The following ARHGEF18 variants were observed in gnomAD, a reference collection of about 807,000 sequenced individuals.
ARHGEF18 encodes Rho/Rac guanine nucleotide exchange factor 18.
A neutral mutation model predicts 155.7 loss-of-function variants in ARHGEF18; 93 were observed. The ratio of observed to expected loss-of-function variants is 0.60; its 90% CI spans 0.50 to 0.71. The LOEUF (loss-of-function observed/expected upper bound fraction) is 0.71. Ranked by LOEUF, ARHGEF18 falls within the 30% of genes least tolerant of loss-of-function variation. ARHGEF18 has a pLI of 0.00. For missense variants in ARHGEF18, 1,593 were observed against 1,816.1 expected (o/e 0.88, Z 2.23); for synonymous variants, 742 against 753.1 (o/e 0.99, Z 0.24).
At chr19:7,363,025 C>A (rs892607352) in intron 2 of ARHGEF18, 120 bp downstream of exon 2, 9 of 1,140,150 alleles carry the variant, frequency 7.9e-6, no homozygotes, top group Non-Finnish European at 5.5e-6. Context: ...GAATCCTCAT[C>A]GAAACTTGCA....
At chr19:7,351,744 G>C (rs2145306916) in intron 1 of ARHGEF18, among the ~76,000 whole-genome samples, 2 of 147,834 alleles carry the variant, frequency 1.4e-5, no homozygotes, top group Non-Finnish European at 3.0e-5. Context: ...GCCCAGGCTG[G>C]AGTGCAGTGG....
At chr19:7,362,079 GAA>G (rs1969613728) in intron 1 of ARHGEF18, among the ~76,000 whole-genome samples, 2 of 19,564 alleles carry the variant, frequency 1.0e-4, no homozygotes, top group East Asian at 1.3e-3. Flanking sequence ...AGGAGAAGGA[GAA>G]GGAGAAGGAG....
intron 13 of ARHGEF18, among the ~76,000 whole-genome samples, chr19:7,443,246 G>A (rs1229158606): frequency 6.6e-6 from 1 of 151,794 alleles, no homozygotes; most frequent in African/African-American, 2.4e-5. Flanking sequence ...TAGTAGAGGC[G>A]GTGTTTCACC....
At chr19:7,365,361 G>A (rs991315883) in intron 2 of ARHGEF18, among the ~76,000 whole-genome samples, 8 of 152,086 alleles carry the variant, frequency 5.3e-5, no homozygotes, top group Middle Eastern at 3.2e-3. Flanking sequence ...CAGGAGGTGG[G>A]GATTGCAGTG....
downstream of ARHGEF18, chr19:7,473,187 G>A: frequency 2.2e-6 from 1 of 456,250 alleles, no homozygotes; most frequent in Non-Finnish European, 4.4e-6. Context: ...CTGAGTCCCG[G>A]TCCAGTGAGG....
chr19:7,448,466 C>A (rs981473484), intron 15 of ARHGEF18, among the ~76,000 whole-genome samples: 1 of 152,152 alleles, frequency 6.6e-6, no homozygotes, highest in African/African-American at 2.4e-5. Flanking sequence ...TCGAGACCAT[C>A]CTGGCTAACA....
chr19:7,444,079 C>T lies in ARHGEF18; in HGVS notation c.1361-125C>T. ...CTGGAAGTAAGAAAGATCCCAAAGG[C>T]ACAAGGTCTTAGGCAGAGAACTCTC... On this transcript the variant is annotated intron_variant, in intron 13 of 28. Transcript: ENST00000668164. This position sits in a 1 kb window ranked among gnomAD's most constrained non-coding sequence, Gnocchi z 4.7. The T allele has an allele frequency of 7.9e-7, 1 of 1,259,934 alleles. No individual in the cohort carries two copies. The highest frequency in any genetic ancestry group is 1.1e-6 in the Non-Finnish European group (1 of 910,012). 78.0% of individuals were successfully genotyped at this position (1,259,934 alleles called of 1,614,324 possible).
chr19:7,415,559 C>T (rs184262365), intron 10 of ARHGEF18, among the ~76,000 whole-genome samples: 158 of 152,208 alleles, frequency 1.0e-3, no homozygotes, highest in Non-Finnish European at 2.0e-3. Context: ...CCAAGGGCCC[C>T]CAAGGCCCAT....
At position 7,470,579 on chromosome 19, in the gene ARHGEF18, G is replaced by A. The variant is rs1600564164; in HGVS notation, c.*281G>A. On this transcript the variant is annotated 3_prime_UTR_variant, in exon 29 of 29. Transcript: ENST00000668164. The surrounding 1 kb of genome is among the most constrained non-coding windows in gnomAD (Gnocchi z 5.9). The stretch of plus-strand genomic sequence containing the variant: ...AGTTGAGCCAGAACTAAACCAGGGA[G>A]CTGTCTGAAATCATAGCACCCCATC... The A allele has an allele frequency of 2.5e-6, 1 of 398,316 alleles. No individual in the cohort carries two copies. The highest frequency in any genetic ancestry group is 4.4e-6 in the Non-Finnish European group (1 of 226,932). 24.7% of individuals were successfully genotyped at this position (398,316 alleles called of 1,614,324 possible).
chr19:7,459,841 G>A (rs34322626), intron 19 of ARHGEF18, 62 bp from the exon 20 acceptor site: 293,989 of 1,403,470 alleles, frequency 0.21, 31,931 homozygotes, highest in Non-Finnish European at 0.22. Context: ...CAGAACCAGC[G>A]TCTGTGCCGA....
Position 7,382,783 on chromosome 19 carries a change from G to A in ARHGEF18, c.723-9G>A, listed in dbSNP as rs770392622. ...CCCCCTCTAGTGGACCTTCCCTCTC[G>A]TCCCTCAGGAGCGAGGACGGTGCTG... On this transcript the variant is annotated splice_polypyrimidine_tract_variant and intron_variant, in intron 8 of 28. Transcript: ENST00000668164. The A allele has an allele frequency of 1.5e-5, 18 of 1,232,166 alleles. No homozygotes were observed. Among genetic ancestry groups the A allele is most frequent in the East Asian group, 3.2e-5 (1 of 31,702 alleles). The allele number at this position is 1,232,166 out of a possible 1,614,324, so 76.3% of individuals were successfully genotyped here.
In ARHGEF18 at chr19:7,444,418, T is replaced by A; in HGVS notation, c.1575T>A (p.Tyr525Ter). The A allele has an allele frequency of 6.2e-7, 1 of 1,613,716 alleles. No individual in the cohort carries two copies. The highest frequency in any genetic ancestry group is 8.5e-7 in the Non-Finnish European group (1 of 1,179,980). ...ESLEEGSDRN[Y>*]VIQKIGDLLV... is the part of the protein sequence containing the mutation. The stretch of plus-strand genomic sequence containing the variant: ...TGGAGGAGGGCAGTGACCGGAATTA[T>A]GTCATCCAGAAAATCGGCGACCTCC... Residue 525 changes from tyrosine to a stop codon, truncating the protein, a stop_gained, in exon 14 of 29, where the codon TAT (tyrosine) becomes TAA (stop). Transcript: ENST00000668164. LOFTEE classifies it high-confidence loss of function. The surrounding 1 kb of genome is among the most constrained non-coding windows in gnomAD (Gnocchi z 4.7).
chr19:7,393,195 T>C (rs1971506606), intron 10 of ARHGEF18, among the ~76,000 whole-genome samples: 1 of 151,976 alleles, frequency 6.6e-6, no homozygotes, highest in African/African-American at 2.4e-5. Flanking sequence ...GGGTGCCTGG[T>C]GAATTACGTC....
chr19:7,349,790 G>T (rs11879555), intron 1 of ARHGEF18, among the ~76,000 whole-genome samples: 2 of 152,052 alleles, frequency 1.3e-5, no homozygotes, highest in South Asian at 4.1e-4. Flanking sequence ...GCTCCTTGTA[G>T]CCAAGGCCCT....
rs1258608363 is a variant in ARHGEF18 at position 7,444,382 on chromosome 19, C to A, written c.1539C>A (p.Arg513=). 1 of 1,613,716 alleles carries A rather than the reference C, an allele frequency of 6.2e-7. No individual in the cohort carries two copies. The highest frequency in any genetic ancestry group is 2.2e-5 in the East Asian group (1 of 44,886). ...TCCTCGCTCGGCTCAAGGAGCGCCG[C>A]CAGGAGTCCCTGGAGGAGGGCAGTG... ...SHFLARLKER[R]QESLEEGSDR... The change falls in exon 14 of 29, where the codon CGC becomes CGA. Residue 513 remains arginine (R), a synonymous_variant. Transcript: ENST00000668164. The surrounding 1 kb of genome is among the most constrained non-coding windows in gnomAD (Gnocchi z 4.7).
In ARHGEF18 at chr19:7,458,634, G is replaced by A. The variant is rs765202457; in HGVS notation, c.2304G>A (p.Thr768=). Residue 768 remains threonine (T), a synonymous_variant, in exon 19 of 29, where the codon ACG becomes ACA. Transcript: ENST00000668164. ...GGCCGGAGATGTATGAAATCTACACGAGCTCCAAAGAGGACAGGAACGCCT... is the reference window on the plus strand; with the variant it reads ...GGCCGGAGATGTATGAAATCTACACAAGCTCCAAAGAGGACAGGAACGCCT... The part of the protein sequence containing the change: ...LQGPEMYEIY[T]SSKEDRNAWM... The A allele has an allele frequency of 2.5e-6, 4 of 1,614,128 alleles. No individual in the cohort carries two copies. The highest frequency in any genetic ancestry group is 2.2e-5 in the East Asian group (1 of 44,874).
At chr19:7,375,398 G>GAAAGGAAGGAAGGAAC (rs1970409838) in intron 3 of ARHGEF18, among the ~76,000 whole-genome samples, 1 of 150,030 alleles carries the variant, frequency 6.7e-6, no homozygotes. Flanking sequence ...AAGGAAGGAA[G>GAAAGGAAGGAAGGAAC]AAAGGAAGGA....
chr19:7,444,936 C>G lies in ARHGEF18; in HGVS notation c.1611+482C>G, dbSNP rs199703993. Among the ~76,000 whole-genome samples the G allele has an allele frequency of 1.0e-5, 1 of 96,136 alleles. No homozygotes were observed. The highest frequency in any genetic ancestry group is 1.1e-4 in the Admixed American group (1 of 9,046). 63.1% of individuals were successfully genotyped at this position (96,136 alleles called of 152,430 possible). ...CACAGGCATGAGCCATTGTGCCAGC[C>G]TTTTCCTTTCAGTAATAAAACGAGA... is the stretch of plus-strand genomic sequence containing the variant. On this transcript the variant is annotated intron_variant, in intron 14 of 28. Coordinates refer to ENST00000668164, the MANE Select transcript of ARHGEF18 (RefSeq NM_001367823.1). This position sits in a 1 kb window ranked among gnomAD's most constrained non-coding sequence, Gnocchi z 4.7.
At chr19:7,458,297 TA>T (rs35712455) in intron 18 of ARHGEF18, among the ~76,000 whole-genome samples, 31,483 of 92,640 alleles carry the variant, frequency 0.34, 4,651 homozygotes, top group Middle Eastern at 0.51. Context: ...CAAGATAGTT[TA>T]AAAAAAAAAA....
Sources: gnomAD v4.1 joint callset for allele counts (sites outside exome capture counted in the v4.1 genomes callset) on GRCh38, gnomAD v4.1.1 for gene constraint, Gnocchi (gnomAD v3.1) non-coding constraint, MANE v1.5 for transcripts, NCBI Gene and HGNC (gene_info 2026-07-23, HGNC 2026-07-21) for gene names.